The following PIP4K2A variants were observed in gnomAD, a reference collection of about 807,000 sequenced individuals.
The protein encoded by PIP4K2A is phosphatidylinositol 5-phosphate 4-kinase type-2 alpha.
In PIP4K2A, 14 loss-of-function variants were observed where a neutral mutation model predicts 42.9. The observed-to-expected ratio is 0.33, with a 90% CI of 0.22 to 0.51. PIP4K2A has a LOEUF of 0.51. PIP4K2A is among the 20% of genes least tolerant of loss of function. PIP4K2A has a pLI of 0.97. For missense variants in PIP4K2A, 434 were observed against 519.8 expected, an observed-to-expected ratio of 0.83 and a Z score of 1.61; for synonymous variants, 192 against 192.2, an observed-to-expected ratio of 1.00 and a Z score of 0.01.
At position 22,539,949 on chromosome 10, in the gene PIP4K2A, G is replaced by A. The variant is rs765060104; in HGVS notation, c.1140+22C>T. ...AGAGAGAGGGAGAGAAAGAGAGAAGGAAACAAAATGGAGATACTCACGCCA... is the reference window on the plus strand; with the variant it reads ...AGAGAGAGGGAGAGAAAGAGAGAAGAAAACAAAATGGAGATACTCACGCCA... On this transcript the variant is annotated intron_variant, in intron 9 of 9. Transcript: ENST00000376573. 74 of 1,306,028 alleles carry A rather than the reference G, an allele frequency of 5.7e-5. No individual in the cohort carries two copies. The East Asian group carries it at 1.5e-3, about 26-fold the overall frequency. 80.9% of individuals were successfully genotyped at this position (1,306,028 alleles called of 1,614,324 possible).
rs937893422 is a variant in PIP4K2A, at chr10:22,703,920, T to C, written c.144+10263A>G. ...GTTTAAGCTTGAGCACCTGGGTCTA[T>C]GGTGGTCCATTTTCTGAGACGGGAA... is the stretch of plus-strand genomic sequence containing the variant. On this transcript the variant is annotated intron_variant, in intron 1 of 9. Coordinates refer to ENST00000376573, the MANE Select transcript of PIP4K2A (RefSeq NM_005028.5). 5.3e-5 allele frequency among the ~76,000 whole-genome samples: 8 copies of C among 152,250 alleles called. No individual in the cohort carries two copies. The East Asian group carries it at 5.8e-4, about 11-fold the overall frequency.
intron 5 of PIP4K2A, among the ~76,000 whole-genome samples, chr10:22,572,107 C>T (rs998460011): frequency 4.6e-5 from 7 of 152,276 alleles, no homozygotes; most frequent in African/African-American, 1.7e-4. Context: ...CTTGTAAGAG[C>T]GTGAAAGCGT....
chr10:22,695,079 T>C (rs190552342), intron 1 of PIP4K2A, among the ~76,000 whole-genome samples: 18 of 152,312 alleles, frequency 1.2e-4, no homozygotes, highest in African/African-American at 2.4e-4. Flanking sequence ...GACCTTCAAA[T>C]TGCTTTATCA....
intron 1 of PIP4K2A, among the ~76,000 whole-genome samples, chr10:22,653,858 A>G (rs139986122): frequency 0.012 from 1,843 of 152,020 alleles, 13 homozygotes; most frequent in Middle Eastern, 0.037. Context: ...TGGGCAACAG[A>G]GTGAGACTCC....
chr10:22,558,755 G>A (rs1430870911), intron 6 of PIP4K2A, among the ~76,000 whole-genome samples: 1 of 152,092 alleles, frequency 6.6e-6, no homozygotes, highest in Non-Finnish European at 1.5e-5. Context: ...TTTTTATTTT[G>A]AATCTGTTTA....
intron 3 of PIP4K2A, among the ~76,000 whole-genome samples, chr10:22,598,684 C>T (rs1264239529): frequency 6.6e-6 from 1 of 152,152 alleles, no homozygotes; most frequent in African/African-American, 2.4e-5. Context: ...TTGCGTCCTC[C>T]CTCCAACTCA....
intron 1 of PIP4K2A, among the ~76,000 whole-genome samples, chr10:22,699,254 A>G (rs1833663527): frequency 6.6e-6 from 1 of 152,160 alleles, no homozygotes; most frequent in South Asian, 2.1e-4. Flanking sequence ...GCAGAACCTA[A>G]TTTATGAATG....
chr10:22,655,933 G>A (rs773185200), intron 1 of PIP4K2A, among the ~76,000 whole-genome samples: 5 of 152,056 alleles, frequency 3.3e-5, no homozygotes, highest in South Asian at 2.1e-4. Flanking sequence ...GGCACAAAGC[G>A]CTGGAGTGGG....
chr10:22,711,682 T>C (rs935169024), intron 1 of PIP4K2A, among the ~76,000 whole-genome samples: 1 of 152,266 alleles, frequency 6.6e-6, no homozygotes. Flanking sequence ...GATGCTCGTA[T>C]ACAACACCAT....
chr10:22,640,388 C>T (rs973784831), intron 1 of PIP4K2A, among the ~76,000 whole-genome samples: 3 of 152,148 alleles, frequency 2.0e-5, no homozygotes, highest in East Asian at 1.9e-4. Flanking sequence ...AAGAGCACCT[C>T]CCAGTTGGGA....
At chr10:22,642,520 T>C (rs1049228790) in intron 1 of PIP4K2A, among the ~76,000 whole-genome samples, 3 of 151,524 alleles carry the variant, frequency 2.0e-5, no homozygotes, top group Non-Finnish European at 4.4e-5. Context: ...ATTCTTAAAT[T>C]AGGAGTATCT....
chr10:22,542,855 T>C (rs1207413365), intron 7 of PIP4K2A, among the ~76,000 whole-genome samples: 3 of 152,226 alleles, frequency 2.0e-5, no homozygotes, highest in Non-Finnish European at 4.4e-5. Flanking sequence ...GCAGCCCATC[T>C]GCGGGCTGGA....
At chr10:22,675,711 C>A (rs1331154097) in intron 1 of PIP4K2A, among the ~76,000 whole-genome samples, 1 of 152,110 alleles carries the variant, frequency 6.6e-6, no homozygotes. Context: ...CTTAAATGAT[C>A]AATGTAGTAC....
chr10:22,545,544 C>T (rs7082618), intron 7 of PIP4K2A, among the ~76,000 whole-genome samples: 100,302 of 152,090 alleles, frequency 0.66, 33,291 homozygotes, highest in South Asian at 0.76. Flanking sequence ...GTGGTCAGAC[C>T]GCTTACTGTC....
chr10:22,591,723 C>A lies in PIP4K2A; in HGVS notation c.398G>T (p.Arg133Leu). ...PNDSQARSGA[R>L]FHTSYDKRYI... ...TCTTTTGTCGTAGGAAGTGTGAAAA[C>A]GAGCTCCACTGCGGGCCTGGGAGTC... Residue 133 changes from arginine to leucine, a missense_variant, in exon 4 of 10, where the codon CGT becomes CTT. Around this residue, in one of 2 missense-constraint regions of PIP4K2A, gnomAD observed 395 missense variants for 444.5 expected, o/e 0.89. Coordinates refer to ENST00000376573, the MANE Select transcript of PIP4K2A (RefSeq NM_005028.5). 6.2e-7 allele frequency: 1 copy of A among 1,613,590 alleles called. No individual in the cohort carries two copies. The highest frequency in any genetic ancestry group is 8.5e-7 in the Non-Finnish European group (1 of 1,179,714).
chr10:22,710,804 G>A (rs529577227), intron 1 of PIP4K2A, among the ~76,000 whole-genome samples: 1 of 152,252 alleles, frequency 6.6e-6, no homozygotes, highest in South Asian at 2.1e-4. Flanking sequence ...TTTTAAACAA[G>A]TTTTATGTGC....
intron 4 of PIP4K2A, among the ~76,000 whole-genome samples, chr10:22,575,406 A>G (rs1045426765): frequency 6.6e-6 from 1 of 152,166 alleles, no homozygotes; most frequent in Non-Finnish European, 1.5e-5. Flanking sequence ...CTACCTTTAC[A>G]GAATCCCGCC....
chr10:22,623,399 A>T (rs1418986301), intron 1 of PIP4K2A, among the ~76,000 whole-genome samples: 10 of 152,234 alleles, frequency 6.6e-5, no homozygotes, highest in Admixed American at 6.5e-4. Context: ...GGCAGACCGC[A>T]GCTCTAAGGC....
At chr10:22,598,215 G>A (rs531816654) in intron 3 of PIP4K2A, among the ~76,000 whole-genome samples, 9 of 152,188 alleles carry the variant, frequency 5.9e-5, no homozygotes, top group South Asian at 2.1e-4. Context: ...AAAATTAGCC[G>A]GATGTGGTGG....
Sources: gnomAD v4.1 joint callset for allele counts (sites outside exome capture counted in the v4.1 genomes callset) on GRCh38, gnomAD v4.1.1 for gene constraint, gnomAD v4.1.1 regional missense constraint, MANE v1.5 for transcripts, NCBI Gene and HGNC (gene_info 2026-07-23, HGNC 2026-07-21) for gene names.